WNK3: variants seen among roughly 807,000 people sequenced by gnomAD.
WNK3 encodes serine/threonine-protein kinase WNK3.
In WNK3, 18 loss-of-function variants were observed where a neutral mutation model predicts 116.7. That is an observed-to-expected ratio of 0.15 (90% CI 0.11 to 0.23). The LOEUF is 0.23. Among genes scored for constraint, WNK3 ranks in the 10% least tolerant of loss-of-function variants. WNK3 has a pLI of 1.00. For synonymous variants in WNK3, 404 were observed against 469.4 expected, an observed-to-expected ratio of 0.86 and a Z score of 1.80; for missense variants, 993 against 1,323.8, an observed-to-expected ratio of 0.75 and a Z score of 3.88.
rs2067633757 is a variant in WNK3, at chrX:54,213,030, A to G, written c.4871-10837T>C. Among the ~76,000 whole-genome samples, 5 of 110,644 alleles carry G rather than the reference A, an allele frequency of 4.5e-5. No homozygotes were observed. In the Admixed American group the frequency reaches 4.9e-4, roughly 11 times the overall value. ...CACTCCGTCACCCAGGATGGAGTGC[A>G]GTGGTGCAATAACAATAACTGTTCA... is the stretch of plus-strand genomic sequence containing the variant. On this transcript the variant is annotated intron_variant, in intron 22 of 23. Coordinates refer to ENST00000354646, the Ensembl canonical transcript of WNK3.
exon 24 of WNK3, chrX:54,198,596 G>A (rs1216100438): frequency 3.3e-6 from 4 of 1,207,715 alleles, no homozygotes; most frequent in African/African-American, 1.8e-5. Flanking sequence ...ACAGCTCCAC[G>A]GATTTGGGAC....
chrX:54,257,344 T>C (rs1364932256), intron 11 of WNK3, among the ~76,000 whole-genome samples: 1 of 110,981 alleles, frequency 9.0e-6, no homozygotes, highest in African/African-American at 3.3e-5. Flanking sequence ...CTCCACCTCT[T>C]GGCCCAGCAG....
intron 22 of WNK3, among the ~76,000 whole-genome samples, chrX:54,203,585 T>A (rs1417975754): frequency 1.8e-5 from 2 of 111,361 alleles, no homozygotes; most frequent in Non-Finnish European, 3.8e-5. Flanking sequence ...GTCATTCTGT[T>A]TTATAGACAG....
intron 12 of WNK3, among the ~76,000 whole-genome samples, chrX:54,254,465 G>T (rs782167569): frequency 8.9e-6 from 1 of 112,065 alleles, no homozygotes; most frequent in Non-Finnish European, 1.9e-5. Context: ...AATGTAACCT[G>T]GACCAATCTT....
At chrX:54,346,863 A>G (rs191918298) in intron 1 of WNK3, among the ~76,000 whole-genome samples, 2 of 111,836 alleles carry the variant, frequency 1.8e-5, no homozygotes, top group Non-Finnish European at 1.9e-5. Context: ...GGACAGCACT[A>G]TATTAAAGTA....
At chrX:54,260,078 T>C (rs1557156387) in intron 10 of WNK3, among the ~76,000 whole-genome samples, 1 of 111,632 alleles carries the variant, frequency 9.0e-6, no homozygotes, top group Non-Finnish European at 1.9e-5. Context: ...TTATCTAGCC[T>C]TATCTCTCTG....
chrX:54,272,849 C>T (rs782118867), intron 10 of WNK3, among the ~76,000 whole-genome samples: 1 of 112,139 alleles, frequency 8.9e-6, no homozygotes, highest in Non-Finnish European at 1.9e-5. Flanking sequence ...ATTACCTTCA[C>T]TGATTAAGAA....
intron 22 of WNK3, among the ~76,000 whole-genome samples, chrX:54,213,674 A>G (rs2067649658): frequency 9.1e-6 from 1 of 110,197 alleles, no homozygotes; most frequent in Admixed American, 9.7e-5. Flanking sequence ...AAATGGGAAA[A>G]CAGTAGAGAA....
chrX:54,265,313 C>T (rs1305124925), intron 10 of WNK3, among the ~76,000 whole-genome samples: 2 of 110,527 alleles, frequency 1.8e-5, no homozygotes, highest in African/African-American at 6.6e-5. Context: ...ATGGTAAAAC[C>T]CCGTCTCTAG....
intron 2 of WNK3, among the ~76,000 whole-genome samples, chrX:54,325,352 T>C (rs2069086764): frequency 9.0e-6 from 1 of 111,079 alleles, no homozygotes; most frequent in Middle Eastern, 4.2e-3. Context: ...ACAAAACATA[T>C]TTCAAATCTC....
chrX:54,279,229 A>C (rs1271365100), intron 10 of WNK3, among the ~76,000 whole-genome samples: 2 of 110,811 alleles, frequency 1.8e-5, no homozygotes, highest in Admixed American at 9.7e-5. Context: ...AAAAAAAAAA[A>C]CTGGACCTCA....
chrX:54,271,183 A>G (rs896434802), intron 10 of WNK3, among the ~76,000 whole-genome samples: 2 of 112,263 alleles, frequency 1.8e-5, no homozygotes, highest in Admixed American at 1.9e-4. Context: ...TATATATACC[A>G]AACTTTTTAC....
In WNK3 at chrX:54,308,099, C is replaced by T. The variant is rs2068845947; in HGVS notation, c.932-20G>A. The stretch of plus-strand genomic sequence containing the variant: ...GAGTTCCTACAAAATAACACCACCA[C>T]CACATTCTTATAGAAGAGAAAAACG... On this transcript the variant is annotated intron_variant, in intron 4 of 23. Coordinates refer to ENST00000354646, the Ensembl canonical transcript of WNK3. 3 of 1,161,755 alleles carry T rather than the reference C, an allele frequency of 2.6e-6. No individual in the cohort carries two copies. In the African/African-American group the frequency reaches 5.3e-5, roughly 21 times the overall value.
intron 4 of WNK3, among the ~76,000 whole-genome samples, chrX:54,308,826 T>C (rs991738164): frequency 8.9e-6 from 1 of 111,974 alleles, no homozygotes; most frequent in Non-Finnish European, 1.9e-5. Context: ...ACTTTTCTGT[T>C]AAGGGCCAGA....
chrX:54,288,428 C>G (rs1557164375), intron 10 of WNK3, among the ~76,000 whole-genome samples: 1 of 111,440 alleles, frequency 9.0e-6, no homozygotes, highest in African/African-American at 3.3e-5. Context: ...CCTGAGTAGA[C>G]AACTGATGGG....
At position 54,310,159 on chromosome X, in the gene WNK3, TATACTATA is replaced by T. The variant is rs1374208644; in HGVS notation, c.711-852_711-845del. Among the ~76,000 whole-genome samples the T allele has an allele frequency of 7.4e-5, 8 of 108,798 alleles. No individual in the cohort carries two copies. The Admixed American group carries it at 8.1e-4, about 11-fold the overall frequency. The allele number at this position is 108,798 out of a possible 115,157, so 94.5% of individuals were successfully genotyped here. The stretch of plus-strand genomic sequence containing the variant: ...ATTATACTATATAATACTATAATAA[TATACTATA>T]ATACTATAATATCATAATAGTATCG... On this transcript the variant is annotated intron_variant, in intron 3 of 23. Coordinates refer to ENST00000354646, the Ensembl canonical transcript of WNK3.
At position 54,352,089 on chromosome X, in the gene WNK3, C is replaced by A. The variant is rs367935170; in HGVS notation, c.-120+5597G>T. Among the ~76,000 whole-genome samples the A allele has an allele frequency of 6.3e-5, 7 of 111,081 alleles. No homozygotes were observed. The South Asian group carries it at 2.6e-3, about 42-fold the overall frequency. ...ACCAAATTTTTTAATGAGCAAAGAA[C>A]TTAAATAGACATCTCTCCAAAGAAG... is the stretch of plus-strand genomic sequence containing the variant. On this transcript the variant is annotated intron_variant, in intron 1 of 23. Transcript: ENST00000354646.
intron 5 of WNK3, among the ~76,000 whole-genome samples, chrX:54,305,567 C>T (rs782737577): frequency 1.7e-4 from 19 of 111,430 alleles, no homozygotes; most frequent in Non-Finnish European, 3.2e-4. Context: ...ATTTGTCCTA[C>T]AGAATGTCCC....
intron 16 of WNK3, 146 bp from the exon 17 acceptor site, chrX:54,249,780 A>G (rs1719052272): frequency 1.4e-6 from 1 of 734,660 alleles, no homozygotes; most frequent in African/African-American, 2.2e-5. Flanking sequence ...AAAACACAGA[A>G]TTCAACCTGT....
Sources: gnomAD v4.1 joint callset for allele counts (sites outside exome capture counted in the v4.1 genomes callset) on GRCh38, gnomAD v4.1.1 for gene constraint, MANE v1.5 for transcripts, NCBI Gene and HGNC (gene_info 2026-07-23, HGNC 2026-07-21) for gene names.